The following PTPRM variants were observed in gnomAD, a reference collection of about 807,000 sequenced individuals.
PTPRM encodes the protein receptor-type tyrosine-protein phosphatase mu.
A neutral mutation model predicts 186.7 loss-of-function variants in PTPRM; 47 were observed. The observed-to-expected ratio is 0.25, with a 90% confidence interval of 0.20 to 0.32. The LOEUF (loss-of-function observed/expected upper bound fraction) is 0.32, where lower values mean the gene tolerates loss of function less well. PTPRM is among the 10% of genes least tolerant of loss of function. The pLI is 1.00. For missense variants in PTPRM, 1,494 were observed against 1,865.0 expected (o/e 0.80, Z 3.66); for synonymous variants, 668 against 674.9 (o/e 0.99, Z 0.16).
At chr18:7,879,691 C>T (rs917491500) in intron 2 of PTPRM, among the ~76,000 whole-genome samples, 1 of 152,068 alleles carries the variant, frequency 6.6e-6, no homozygotes, top group African/African-American at 2.4e-5. Context: ...AGGTTATAAG[C>T]ACATCTGAGG....
At chr18:8,365,856 C>T (rs2095625845) in intron 23 of PTPRM, 1 of 152,270 alleles carries the variant, frequency 6.6e-6, no homozygotes, top group Non-Finnish European at 1.5e-5. Flanking sequence ...AAAACAATCA[C>T]TTAATAGTCG....
chr18:8,294,364 G>A (rs2095072556), intron 19 of PTPRM, among the ~76,000 whole-genome samples: 1 of 152,318 alleles, frequency 6.6e-6, no homozygotes, highest in African/African-American at 2.4e-5. Context: ...TAACAGTCAT[G>A]GCAGAAGGGG....
chr18:7,961,113 C>T (rs2053652029), intron 7 of PTPRM, among the ~76,000 whole-genome samples: 2 of 152,090 alleles, frequency 1.3e-5, no homozygotes, highest in African/African-American at 2.4e-5. Flanking sequence ...TCACCTGAAG[C>T]ATTTATCCTT....
At chr18:7,631,399 C>A (rs2038187956) in intron 1 of PTPRM, among the ~76,000 whole-genome samples, 1 of 150,224 alleles carries the variant, frequency 6.7e-6, no homozygotes, top group Non-Finnish European at 1.5e-5. Context: ...AGATATATTT[C>A]TTTCCATTAA....
intron 5 of PTPRM, among the ~76,000 whole-genome samples, chr18:7,944,016 T>TAA (rs1480425745): frequency 1.3e-5 from 2 of 152,200 alleles, no homozygotes; most frequent in African/African-American, 4.8e-5. Context: ...ACAGAACCTC[T>TAA]AAAACATTCT....
intron 24 of PTPRM, among the ~76,000 whole-genome samples, 174 bp downstream of exon 24, chr18:8,371,180 A>G (rs751402859): frequency 6.6e-6 from 1 of 152,226 alleles, no homozygotes; most frequent in Non-Finnish European, 1.5e-5. Context: ...GCTCAGTTCC[A>G]TCTTTAAAAC....
At chr18:7,589,143 C>A (rs929892156) in intron 1 of PTPRM, among the ~76,000 whole-genome samples, 1 of 152,196 alleles carries the variant, frequency 6.6e-6, no homozygotes, top group African/African-American at 2.4e-5. Context: ...CTGCTCCATC[C>A]ATCCCATTGT....
At chr18:8,036,062 T>G (rs898031666) in intron 7 of PTPRM, among the ~76,000 whole-genome samples, 3 of 152,160 alleles carry the variant, frequency 2.0e-5, no homozygotes, top group Non-Finnish European at 4.4e-5. Context: ...AAGGATAGTT[T>G]CAGGCGGAGT....
intron 7 of PTPRM, among the ~76,000 whole-genome samples, chr18:8,013,393 A>G (rs1272469906): frequency 6.6e-6 from 1 of 152,182 alleles, no homozygotes; most frequent in Non-Finnish European, 1.5e-5. Context: ...CGATTAACAC[A>G]TATTTTGTAT....
chr18:8,255,044 T>C (rs1000700274), intron 19 of PTPRM, among the ~76,000 whole-genome samples: 16 of 152,256 alleles, frequency 1.1e-4, no homozygotes, highest in African/African-American at 3.4e-4. Context: ...AGCAATTCAA[T>C]GTGTAAATTC....
intron 23 of PTPRM, among the ~76,000 whole-genome samples, chr18:8,366,539 T>A (rs2095630527): frequency 6.6e-6 from 1 of 152,240 alleles, no homozygotes. Context: ...CCTCTGACTT[T>A]AATTTACCTG....
intron 24 of PTPRM, among the ~76,000 whole-genome samples, chr18:8,373,364 T>G (rs538618752): frequency 2.6e-5 from 4 of 152,352 alleles, no homozygotes; most frequent in Admixed American, 2.6e-4. Flanking sequence ...AACTCATGAA[T>G]TCCTGCTTTG....
At chr18:7,990,700 T>A (rs1326840731) in intron 7 of PTPRM, among the ~76,000 whole-genome samples, 1 of 152,188 alleles carries the variant, frequency 6.6e-6, no homozygotes, top group Non-Finnish European at 1.5e-5. Flanking sequence ...ATGTAGACAG[T>A]CTACACTGAT....
At chr18:7,600,493 A>G (rs2037374069) in intron 1 of PTPRM, among the ~76,000 whole-genome samples, 1 of 152,160 alleles carries the variant, frequency 6.6e-6, no homozygotes, top group Non-Finnish European at 1.5e-5. Flanking sequence ...TTGCAAATGC[A>G]TTTCCTGACT....
Position 8,397,757 on chromosome 18 carries a change from C to T in PTPRM, c.4344+3146C>T, listed in dbSNP as rs575519068. Among the ~76,000 whole-genome samples the T allele has an allele frequency of 2.6e-3, 397 of 152,324 alleles. 3 individuals are homozygous for T. Among genetic ancestry groups the T allele is most frequent in the African/African-American group, 9.4e-3 (390 of 41,568 alleles). ...CGGCTGCAGGAAAGCGGCTGCTTCACGCTGGCAGCTCCCCTCTCACTTTTG... is the reference window on the plus strand; with the variant it reads ...CGGCTGCAGGAAAGCGGCTGCTTCATGCTGGCAGCTCCCCTCTCACTTTTG... On this transcript the variant is annotated intron_variant, in intron 32 of 32. Transcript: ENST00000580170.
chr18:7,629,400 A>G (rs2038138390), intron 1 of PTPRM, among the ~76,000 whole-genome samples: 1 of 152,138 alleles, frequency 6.6e-6, no homozygotes, highest in Non-Finnish European at 1.5e-5. Flanking sequence ...TGTTGAAAGG[A>G]TGTGTTCTGG....
intron 14 of PTPRM, among the ~76,000 whole-genome samples, chr18:8,221,034 G>A (rs115642024): frequency 5.3e-5 from 8 of 152,232 alleles, no homozygotes; most frequent in African/African-American, 1.9e-4. Flanking sequence ...GAAAAATAGA[G>A]GCACTTGATA....
intron 8 of PTPRM, among the ~76,000 whole-genome samples, chr18:8,074,970 C>T (rs1374013730): frequency 1.3e-5 from 2 of 152,052 alleles, no homozygotes; most frequent in Admixed American, 6.6e-5. Flanking sequence ...TTGCCTGATC[C>T]AAGGTCATGA....
chr18:8,287,875 C>A (rs1337213186), intron 19 of PTPRM, among the ~76,000 whole-genome samples: 2 of 152,194 alleles, frequency 1.3e-5, no homozygotes, highest in East Asian at 3.8e-4. Flanking sequence ...TAAAACAGAG[C>A]AGTCCTCTTT....
Sources: allele counts gnomAD v4.1 joint callset (sites outside exome capture counted in the v4.1 genomes callset), GRCh38; gene constraint gnomAD v4.1.1; transcripts MANE v1.5; gene names NCBI Gene and HGNC (gene_info 2026-07-23, HGNC 2026-07-21).